The following COL5A2 variants were observed in gnomAD, a reference collection of about 807,000 sequenced individuals.
COL5A2 encodes collagen type V alpha 2 chain.
Under a neutral mutation model 208.2 loss-of-function variants are expected in COL5A2, and 23 were observed. The ratio of observed to expected loss-of-function variants is 0.11; its 90% CI spans 0.08 to 0.16. The LOEUF (loss-of-function observed/expected upper bound fraction) is 0.16, where lower values mean the gene tolerates loss of function less well. COL5A2 is among the 10% of genes least tolerant of loss of function. COL5A2 has a pLI of 1.00. For synonymous variants in COL5A2, 625 were observed against 628.5 expected, an observed-to-expected ratio of 0.99 and a Z score of 0.08; for missense variants, 1,590 against 1,956.4, an observed-to-expected ratio of 0.81 and a Z score of 3.53.
Position 189,066,717 on chromosome 2 carries a change from A to G in COL5A2, c.1455+12T>C. The G allele has an allele frequency of 1.9e-6, 3 of 1,609,454 alleles. No homozygotes were observed. The highest frequency in any genetic ancestry group is 2.6e-6 in the Non-Finnish European group (3 of 1,175,760). ...CTATGTTCTACTTATCATTAAAACA[A>G]TGAAACCTTACTGGTTCCCCTTTTG... is the stretch of plus-strand genomic sequence containing the variant. On this transcript the variant is annotated intron_variant, in intron 22 of 53. Transcript: ENST00000374866.
chr2:189,316,564 GA>G, the COL5A2 span, among the ~76,000 whole-genome samples: 1 of 151,922 alleles, frequency 6.6e-6, no homozygotes, highest in Non-Finnish European at 1.5e-5. Flanking sequence ...CACACAGAGA[GA>G]ACAACACAAA....
chr2:189,194,016 T>G (rs1285847338), intron 1 of COL5A2, among the ~76,000 whole-genome samples: 3 of 152,226 alleles, frequency 2.0e-5, no homozygotes, highest in Non-Finnish European at 4.4e-5. Context: ...GCATCATTTA[T>G]ATTAATATGT....
In COL5A2 at chr2:189,068,841, T is replaced by A; in HGVS notation, c.1202A>T (p.Gln401Leu). The stretch of plus-strand genomic sequence containing the variant: ...GGGCCCAGTTTCACCTCTCTGCCCC[T>A]GAGGACCTTCAGGGCCTCGCGCCCC... ...PTGARGPEGPQGQRGETGPPG... is the reference protein window; with the variant it reads ...PTGARGPEGPLGQRGETGPPG... Residue 401 changes from glutamine to leucine, a missense_variant, in exon 19 of 54, where the codon CAG becomes CTG. Transcript: ENST00000374866. 6.2e-7 allele frequency: 1 copy of A among 1,613,104 alleles called. No individual in the cohort carries two copies. Among genetic ancestry groups the A allele is most frequent in the Non-Finnish European group, 8.5e-7 (1 of 1,179,846 alleles).
intron 1 of COL5A2, among the ~76,000 whole-genome samples, chr2:189,111,568 T>C (rs927562318): frequency 1.6e-5 from 2 of 124,866 alleles, no homozygotes; most frequent in African/African-American, 5.5e-5. Context: ...GAAATTCTTT[T>C]CTGACTACCC....
the COL5A2 span, among the ~76,000 whole-genome samples, chr2:189,380,271 A>G: frequency 8.5e-5 from 13 of 152,168 alleles, no homozygotes; most frequent in Non-Finnish European, 1.5e-4. Flanking sequence ...TTTGGGATGT[A>G]CTTAAGTTCA....
chr2:189,145,788 T>A (rs1170802760), intron 1 of COL5A2, among the ~76,000 whole-genome samples: 1 of 152,162 alleles, frequency 6.6e-6, no homozygotes, highest in Non-Finnish European at 1.5e-5. Flanking sequence ...GGCATAATTA[T>A]TATTTTCTGA....
At chr2:189,197,722 C>T (rs1359022274) in intron 1 of COL5A2, among the ~76,000 whole-genome samples, 1 of 151,854 alleles carries the variant, frequency 6.6e-6, no homozygotes, top group Non-Finnish European at 1.5e-5. Flanking sequence ...AAGAACACTC[C>T]AGCAAAACTT....
intron 17 of COL5A2, among the ~76,000 whole-genome samples, chr2:189,072,346 C>T (rs1686293600): frequency 6.6e-6 from 1 of 152,172 alleles, no homozygotes; most frequent in South Asian, 2.1e-4. Context: ...AAGTCAATCA[C>T]AAACATAAAG....
the COL5A2 span, among the ~76,000 whole-genome samples, chr2:189,370,824 CATT>C: frequency 6.6e-6 from 1 of 151,926 alleles, no homozygotes; most frequent in Non-Finnish European, 1.5e-5. Context: ...GGAACAGAAA[CATT>C]AATGGAAAGG....
the COL5A2 span, among the ~76,000 whole-genome samples, chr2:189,263,647 T>C: frequency 6.6e-6 from 1 of 152,182 alleles, no homozygotes; most frequent in African/African-American, 2.4e-5. Context: ...CCATTTATGG[T>C]ACATGCCCAA....
At chr2:189,425,781 C>T in the COL5A2 span, among the ~76,000 whole-genome samples, 14 of 152,048 alleles carry the variant, frequency 9.2e-5, no homozygotes, top group African/African-American at 2.9e-4. Flanking sequence ...CTCATGAGAT[C>T]CAGTTGTTTA....
chr2:189,258,894 T>A, the COL5A2 span, among the ~76,000 whole-genome samples: 2 of 152,112 alleles, frequency 1.3e-5, no homozygotes, highest in African/African-American at 4.8e-5. Flanking sequence ...GAAACAGGTG[T>A]CAACCTTGGC....
the COL5A2 span, among the ~76,000 whole-genome samples, chr2:189,380,940 T>C: frequency 6.6e-6 from 1 of 151,824 alleles, no homozygotes; most frequent in Admixed American, 6.6e-5. Flanking sequence ...ATCAAATATG[T>C]GAATGAAAAC....
At chr2:189,412,913 C>T in the COL5A2 span, among the ~76,000 whole-genome samples, 1 of 152,236 alleles carries the variant, frequency 6.6e-6, no homozygotes, top group South Asian at 2.1e-4. Context: ...CTTCCAAGTT[C>T]TCTGAGTGGA....
chr2:189,083,896 G>T, intron 12 of COL5A2, 88 bp downstream of exon 12: 2 of 952,992 alleles, frequency 2.1e-6, no homozygotes, highest in Non-Finnish European at 3.4e-6. Context: ...TTTACTTAGT[G>T]CCTGATACAT....
chr2:189,235,176 G>C, the COL5A2 span, among the ~76,000 whole-genome samples: 1 of 151,662 alleles, frequency 6.6e-6, no homozygotes, highest in Non-Finnish European at 1.5e-5. Context: ...TGCTATACTG[G>C]AGAGGGCAGG....
chr2:189,398,687 A>C, the COL5A2 span, among the ~76,000 whole-genome samples: 1 of 152,122 alleles, frequency 6.6e-6, no homozygotes, highest in Non-Finnish European at 1.5e-5. Context: ...AGAGCAAAAT[A>C]TTTATCTTTG....
intron 1 of COL5A2, among the ~76,000 whole-genome samples, chr2:189,211,186 G>C (rs1348925368): frequency 6.6e-6 from 1 of 152,108 alleles, no homozygotes. Context: ...AGAGCATATA[G>C]AGATCATCTA....
chr2:189,244,231 A>G, the COL5A2 span, among the ~76,000 whole-genome samples: 2 of 152,062 alleles, frequency 1.3e-5, no homozygotes, highest in Non-Finnish European at 1.5e-5. Context: ...AGAAAATGGG[A>G]TTTTCTTTTC....
Sources: allele counts gnomAD v4.1 joint callset (sites outside exome capture counted in the v4.1 genomes callset), GRCh38; gene constraint gnomAD v4.1.1; transcripts MANE v1.5; gene names NCBI Gene and HGNC (gene_info 2026-07-23, HGNC 2026-07-21).